The following SGCZ variants were observed in gnomAD, a reference collection of about 807,000 sequenced individuals.
SGCZ encodes the protein sarcoglycan zeta.
A neutral mutation model predicts 41.3 loss-of-function variants in SGCZ; 40 were observed. That is an observed-to-expected ratio of 0.97 (90% CI 0.75 to 1.26). The LOEUF is 1.26. SGCZ is among the 50% of genes most tolerant of loss of function. The probability of loss-of-function intolerance (pLI) is 0.00; values close to 1 mark genes in which losing one functional copy is unlikely to be tolerated. For missense variants in SGCZ, 552 were observed against 369.8 expected (o/e 1.49, Z -4.04); for synonymous variants, 206 against 137.5 (o/e 1.50, Z -3.49).
intron 1 of SGCZ, among the ~76,000 whole-genome samples, chr8:14,770,920 G>C (rs1800214996): frequency 1.3e-5 from 2 of 152,136 alleles, no homozygotes; most frequent in Non-Finnish European, 2.9e-5. Context: ...ATTGAATGAA[G>C]CCTTGAAAAA....
intron 1 of SGCZ, among the ~76,000 whole-genome samples, chr8:15,196,488 G>C (rs1399145526): frequency 2.0e-5 from 3 of 152,106 alleles, no homozygotes; most frequent in Non-Finnish European, 4.4e-5. Context: ...TGATAACATA[G>C]CATCATTTAT....
intron 1 of SGCZ, among the ~76,000 whole-genome samples, chr8:15,055,779 C>T (rs571828403): frequency 2.0e-5 from 3 of 152,290 alleles, no homozygotes; most frequent in East Asian, 3.9e-4. Context: ...AGCTTGTGAG[C>T]AAAATCCATC....
chr8:14,583,623 G>T (rs1447199143), intron 1 of SGCZ, among the ~76,000 whole-genome samples: 2 of 152,014 alleles, frequency 1.3e-5, no homozygotes, highest in Non-Finnish European at 2.9e-5. Context: ...TTCTTCTAGG[G>T]TTTTTATGGT....
chr8:14,726,771 A>G (rs550969080), intron 1 of SGCZ, among the ~76,000 whole-genome samples: 2 of 152,292 alleles, frequency 1.3e-5, no homozygotes, highest in South Asian at 4.1e-4. Flanking sequence ...AGGTAAGTTA[A>G]TTCAGATATA....
At chr8:15,195,875 C>G (rs980458600) in intron 1 of SGCZ, among the ~76,000 whole-genome samples, 69 of 149,066 alleles carry the variant, frequency 4.6e-4, no homozygotes, top group African/African-American at 1.7e-3. Flanking sequence ...GGGTTTTATA[C>G]ATCCTTAGGC....
At chr8:14,422,884 C>G (rs190854601) in intron 2 of SGCZ, among the ~76,000 whole-genome samples, 3 of 151,992 alleles carry the variant, frequency 2.0e-5, no homozygotes, top group East Asian at 3.9e-4. Context: ...AAAAATTAGC[C>G]AGGCATGGTG....
chr8:14,541,640 T>C (rs149879399), intron 2 of SGCZ, among the ~76,000 whole-genome samples: 1 of 152,136 alleles, frequency 6.6e-6, no homozygotes, highest in Non-Finnish European at 1.5e-5. Flanking sequence ...CCTTTGGGTA[T>C]ATGCCCAATA....
intron 1 of SGCZ, among the ~76,000 whole-genome samples, chr8:14,559,945 T>A (rs2175280): frequency 0.092 from 14,001 of 152,188 alleles, 943 homozygotes; most frequent in East Asian, 0.34. Flanking sequence ...TTATGTTATG[T>A]AACATAAGTG....
intron 1 of SGCZ, among the ~76,000 whole-genome samples, chr8:14,857,456 A>G (rs1054215909): frequency 3.3e-5 from 5 of 152,178 alleles, no homozygotes; most frequent in African/African-American, 1.2e-4. Flanking sequence ...CATTGCTTTC[A>G]CACTGCTAAA....
chr8:14,912,946 C>T (rs542548385), intron 1 of SGCZ, among the ~76,000 whole-genome samples: 7 of 152,112 alleles, frequency 4.6e-5, no homozygotes, highest in South Asian at 2.1e-4. Flanking sequence ...TGAGTAGCCA[C>T]GCTTTTATTT....
In SGCZ at chr8:14,387,267, G is replaced by C. The variant is rs972408052; in HGVS notation, c.235-63063C>G. ...GTGTCTTGCTCTGTTGCCCAGACTG[G>C]CCTCGAACTCTTGGCCTCAAGAAAT... On this transcript the variant is annotated intron_variant, in intron 2 of 7. Transcript: ENST00000382080. Among the ~76,000 whole-genome samples the C allele has an allele frequency of 9.9e-5, 15 of 152,232 alleles. No individual in the cohort carries two copies. The South Asian group carries it at 1.2e-3, about 13-fold the overall frequency.
chr8:14,577,350 A>G (rs1011530561), intron 1 of SGCZ, among the ~76,000 whole-genome samples: 2 of 150,260 alleles, frequency 1.3e-5, no homozygotes, highest in African/African-American at 4.9e-5. Context: ...ACATTTAATA[A>G]TTTTACATGA....
At chr8:15,030,517 G>C (rs1241090811) in intron 1 of SGCZ, among the ~76,000 whole-genome samples, 3 of 152,050 alleles carry the variant, frequency 2.0e-5, no homozygotes, top group Non-Finnish European at 4.4e-5. Flanking sequence ...CTGTTCAAAG[G>C]ACTTAGAGGA....
In SGCZ at chr8:14,621,060, T is replaced by C. The variant is rs190682620; in HGVS notation, c.40-66134A>G. Reference sequence around the variant, plus strand: ...AACCCCAATGTCCATCAATGATAGATTGGATTAAGAAAATGTGGCACATAT... The same window carrying C: ...AACCCCAATGTCCATCAATGATAGACTGGATTAAGAAAATGTGGCACATAT... On this transcript the variant is annotated intron_variant, in intron 1 of 7. Transcript: ENST00000382080. Among the ~76,000 whole-genome samples, 326 of 151,720 alleles carry C rather than the reference T, an allele frequency of 2.1e-3. 1 individual carries two copies. The highest frequency in any genetic ancestry group is 6.8e-3 in the Middle Eastern group (2 of 294).
In SGCZ at chr8:14,593,338, G is replaced by A. The variant is rs1015139547; in HGVS notation, c.40-38412C>T. 2.6e-5 allele frequency among the ~76,000 whole-genome samples: 4 copies of A among 152,142 alleles called. No individual in the cohort carries two copies. In the East Asian group the frequency reaches 7.7e-4, roughly 29 times the overall value. On this transcript the variant is annotated intron_variant, in intron 1 of 7. Transcript: ENST00000382080. Reference sequence around the variant, plus strand: ...AACCAAGAAATGTAGGCTGACTTTAGAAGCTGAAAAAGGACATGGATTCTC... The same window carrying A: ...AACCAAGAAATGTAGGCTGACTTTAAAAGCTGAAAAAGGACATGGATTCTC...
At chr8:15,112,799 T>C (rs1807120868) in intron 1 of SGCZ, among the ~76,000 whole-genome samples, 1 of 152,200 alleles carries the variant, frequency 6.6e-6, no homozygotes, top group African/African-American at 2.4e-5. Flanking sequence ...AAGCCAGCTA[T>C]CCCAGTTGAT....
intron 1 of SGCZ, among the ~76,000 whole-genome samples, chr8:14,764,117 T>C (rs1221947460): frequency 6.6e-6 from 1 of 152,164 alleles, no homozygotes; most frequent in African/African-American, 2.4e-5. Flanking sequence ...AATGGGAACA[T>C]ATCAAAAAGG....
chr8:14,335,421 C>G (rs1802474441), intron 2 of SGCZ, among the ~76,000 whole-genome samples: 1 of 152,040 alleles, frequency 6.6e-6, no homozygotes, highest in Non-Finnish European at 1.5e-5. Flanking sequence ...AGTCTTGCAT[C>G]TCTTCTTGAA....
At chr8:14,571,623 C>G (rs1804558390) in intron 1 of SGCZ, among the ~76,000 whole-genome samples, 1 of 152,058 alleles carries the variant, frequency 6.6e-6, no homozygotes, top group South Asian at 2.1e-4. Context: ...TGCATTTTCT[C>G]CAGAGGCTTC....
Sources: allele counts gnomAD v4.1 joint callset (sites outside exome capture counted in the v4.1 genomes callset), GRCh38; gene constraint gnomAD v4.1.1; transcripts MANE v1.5; gene names NCBI Gene and HGNC (gene_info 2026-07-23, HGNC 2026-07-21).